LRP1B: variants seen among roughly 807,000 people sequenced by gnomAD.
LRP1B encodes the protein LDL receptor related protein 1B, also known as low-density lipoprotein receptor-related protein 1B.
In LRP1B, 217 loss-of-function variants were observed where a neutral mutation model predicts 556.6. The ratio of observed to expected loss-of-function variants is 0.39; its 90% CI spans 0.35 to 0.44. LRP1B has a LOEUF of 0.44. LRP1B is among the 20% of genes least tolerant of loss of function. LRP1B has a pLI of 1.00. For synonymous variants in LRP1B, 2,047 were observed against 1,865.8 expected (o/e 1.10, Z -2.50); for missense variants, 5,053 against 5,620.8 (o/e 0.90, Z 3.23).
At chr2:140,663,965 C>G (rs1368787055) in intron 41 of LRP1B, among the ~76,000 whole-genome samples, 2 of 151,962 alleles carry the variant, frequency 1.3e-5, no homozygotes, top group South Asian at 4.2e-4. Context: ...ATTGTTGTGC[C>G]TCAGGGAATA....
At chr2:141,820,650 A>G (rs930607846) in intron 1 of LRP1B, among the ~76,000 whole-genome samples, 1 of 152,250 alleles carries the variant, frequency 6.6e-6, no homozygotes, top group Admixed American at 6.5e-5. Flanking sequence ...AGTAATAATT[A>G]GAAACTTACT....
intron 1 of LRP1B, among the ~76,000 whole-genome samples, chr2:141,886,084 A>G (rs906833834): frequency 2.1e-4 from 32 of 152,198 alleles, no homozygotes; most frequent in African/African-American, 7.7e-4. Context: ...TCACTGGAAA[A>G]TTTATGTGAG....
chr2:141,722,235 G>A (rs1432864856), intron 2 of LRP1B, among the ~76,000 whole-genome samples: 1 of 152,078 alleles, frequency 6.6e-6, no homozygotes, highest in Non-Finnish European at 1.5e-5. Flanking sequence ...AAAATTAGGT[G>A]GGCATGGTGG....
At chr2:140,784,910 A>G (rs1689842456) in intron 32 of LRP1B, among the ~76,000 whole-genome samples, 1 of 152,124 alleles carries the variant, frequency 6.6e-6, no homozygotes, top group Non-Finnish European at 1.5e-5. Context: ...AACAAATAAA[A>G]GAAACATTTA....
intron 7 of LRP1B, among the ~76,000 whole-genome samples, chr2:141,070,014 G>A (rs545367705): frequency 4.1e-4 from 55 of 133,290 alleles, no homozygotes; most frequent in East Asian, 6.7e-4. Flanking sequence ...CCATGTGTTC[G>A]CATTGTTCAA....
At chr2:140,907,713 C>G (rs766957995) in intron 22 of LRP1B, among the ~76,000 whole-genome samples, 164 bp downstream of exon 22, 10 of 152,114 alleles carry the variant, frequency 6.6e-5, no homozygotes, top group Non-Finnish European at 1.0e-4. Context: ...AAGACTTTTA[C>G]TGTAGCCTTA....
chr2:141,496,629 T>C (rs919496010), intron 2 of LRP1B, among the ~76,000 whole-genome samples: 40 of 152,098 alleles, frequency 2.6e-4, no homozygotes, highest in African/African-American at 9.7e-4. Flanking sequence ...TATTGGCACA[T>C]CCTGGAAATG....
At chr2:140,288,594 A>G (rs558185004) in intron 84 of LRP1B, among the ~76,000 whole-genome samples, 93 of 152,032 alleles carry the variant, frequency 6.1e-4, no homozygotes, top group African/African-American at 2.2e-3. Context: ...GCATGTCTCT[A>G]CATAATTTAT....
At chr2:141,143,994 T>A (rs77825099) in intron 7 of LRP1B, among the ~76,000 whole-genome samples, 3,782 of 152,234 alleles carry the variant, frequency 0.025, 167 homozygotes, top group African/African-American at 0.087. Context: ...GGAAAAGCAT[T>A]CCTAGTGAGT....
chr2:141,579,786 G>A (rs1574100961), intron 2 of LRP1B, among the ~76,000 whole-genome samples: 2 of 124,038 alleles, frequency 1.6e-5, no homozygotes, highest in Non-Finnish European at 3.1e-5. Context: ...TGAAAGCTCC[G>A]ACTCCTGGGT....
chr2:140,323,840 A>C, intron 81 of LRP1B, 53 bp downstream of exon 81: 1 of 885,006 alleles, frequency 1.1e-6, no homozygotes, highest in Non-Finnish European at 1.7e-6. Flanking sequence ...ATTTTGAGAG[A>C]TACAAGAAAA....
chr2:141,746,482 C>G (rs1214146330), intron 2 of LRP1B, among the ~76,000 whole-genome samples: 1 of 152,072 alleles, frequency 6.6e-6, no homozygotes, highest in African/African-American at 2.4e-5. Flanking sequence ...CTCTCCCTAG[C>G]ACACAGATTC....
intron 1 of LRP1B, among the ~76,000 whole-genome samples, chr2:141,963,674 A>G (rs1701472392): frequency 6.7e-6 from 1 of 150,220 alleles, no homozygotes; most frequent in Non-Finnish European, 1.5e-5. Context: ...TTCCCTTTGA[A>G]AACTGGCACA....
intron 2 of LRP1B, among the ~76,000 whole-genome samples, chr2:141,794,464 T>A (rs1371596444): frequency 1.3e-5 from 2 of 152,004 alleles, no homozygotes; most frequent in Admixed American, 1.3e-4. Context: ...GGGCTCTAGT[T>A]CCTGGCAAAA....
At chr2:140,296,192 G>A (rs1490370434) in intron 84 of LRP1B, among the ~76,000 whole-genome samples, 1 of 152,116 alleles carries the variant, frequency 6.6e-6, no homozygotes, top group African/African-American at 2.4e-5. Flanking sequence ...CTGACCTCCC[G>A]TAATGAGGGC....
intron 58 of LRP1B, among the ~76,000 whole-genome samples, chr2:140,486,330 C>T (rs755175122): frequency 8.6e-5 from 13 of 151,782 alleles, no homozygotes; most frequent in East Asian, 1.9e-4. Flanking sequence ...ATGAAAGTGG[C>T]AATATGCACA....
rs1438095543 is a variant in LRP1B at position 141,456,748 on chromosome 2, A to C, written c.343+23648T>G. ...AGCATTTTTCTGGTGGATGGGAATA[A>C]GATCTCATAGCAAAAGTATTTCAAG... On this transcript the variant is annotated intron_variant, in intron 3 of 90. Transcript: ENST00000389484. 2.0e-5 allele frequency among the ~76,000 whole-genome samples: 3 copies of C among 152,214 alleles called. No individual in the cohort carries two copies. In the East Asian group the frequency reaches 5.8e-4, roughly 29 times the overall value.
chr2:141,344,232 C>T (rs1688168570), intron 3 of LRP1B, among the ~76,000 whole-genome samples: 1 of 152,072 alleles, frequency 6.6e-6, no homozygotes, highest in Non-Finnish European at 1.5e-5. Flanking sequence ...TATGTCCCTC[C>T]TTTCCTTAAA....
At chr2:140,318,225 T>A (rs1268383383) in intron 82 of LRP1B, among the ~76,000 whole-genome samples, 1 of 152,128 alleles carries the variant, frequency 6.6e-6, no homozygotes, top group Non-Finnish European at 1.5e-5. Context: ...TGAAATCCAC[T>A]CATTTATGTT....
Sources: allele counts gnomAD v4.1 joint callset (sites outside exome capture counted in the v4.1 genomes callset), GRCh38; gene constraint gnomAD v4.1.1; transcripts MANE v1.5; gene names NCBI Gene and HGNC (gene_info 2026-07-23, HGNC 2026-07-21).